Variants in LAMC1 observed in about 807,000 individuals in gnomAD.
LAMC1 encodes the protein laminin subunit gamma-1.
Under a neutral mutation model 173.6 loss-of-function variants are expected in LAMC1, and 38 were observed. That is an observed-to-expected ratio of 0.22 (90% CI 0.17 to 0.29). The LOEUF is 0.29. Ranked by LOEUF, LAMC1 falls within the 10% of genes least tolerant of loss-of-function variation. The pLI, the probability that LAMC1 is intolerant of heterozygous loss-of-function variation, is 1.00. For synonymous variants in LAMC1, 746 were observed against 749.1 expected (o/e 1.00, Z 0.07); for missense variants, 1,824 against 2,051.8 (o/e 0.89, Z 2.14).
chr1:183,031,355 A>G (rs1653844233), intron 1 of LAMC1, among the ~76,000 whole-genome samples: 1 of 151,934 alleles, frequency 6.6e-6, no homozygotes, highest in Non-Finnish European at 1.5e-5. Flanking sequence ...CCCAGGCTGG[A>G]GTGCAGTGGC....
intron 1 of LAMC1, among the ~76,000 whole-genome samples, chr1:183,065,011 T>C (rs1654842119): frequency 6.6e-6 from 1 of 151,944 alleles, no homozygotes; most frequent in South Asian, 2.1e-4. Flanking sequence ...GGGGAAAATG[T>C]GCAAACTCCA....
At chr1:183,043,362 T>C (rs578205377) in intron 1 of LAMC1, among the ~76,000 whole-genome samples, 59 of 152,330 alleles carry the variant, frequency 3.9e-4, no homozygotes, top group Middle Eastern at 3.4e-3. Flanking sequence ...TCCTGCTGTT[T>C]AGGGCTTTTT....
chr1:183,098,535 C>G (rs572993696), intron 1 of LAMC1, among the ~76,000 whole-genome samples: 11 of 152,346 alleles, frequency 7.2e-5, no homozygotes, highest in Non-Finnish European at 7.3e-5. Context: ...TCCTGCTCTC[C>G]TCTCAGCCAC....
At chr1:183,140,368 A>G (rs1168395706) in intron 26 of LAMC1, 36 bp from the exon 27 acceptor site, 2 of 1,263,280 alleles carry the variant, frequency 1.6e-6, no homozygotes, top group Non-Finnish European at 2.3e-6. Flanking sequence ...ATGAAAACAT[A>G]CAGTCAAGAC....
At chr1:183,028,950 T>C (rs191035989) in intron 1 of LAMC1, among the ~76,000 whole-genome samples, 1 of 152,368 alleles carries the variant, frequency 6.6e-6, no homozygotes, top group Non-Finnish European at 1.5e-5. Context: ...TATTCAAAAC[T>C]AAATTCACTC....
rs1001759300 is a variant in LAMC1 at position 183,137,949 on chromosome 1, G to A, written c.4473+122G>A. 25 of 919,362 alleles carry A rather than the reference G, an allele frequency of 2.7e-5. No homozygotes were observed. In the Middle Eastern group the frequency reaches 7.8e-4, roughly 29 times the overall value. 57.0% of individuals were successfully genotyped at this position (919,362 alleles called of 1,614,324 possible). A position where few individuals can be genotyped will look rare whatever the true frequency, so the allele number is the denominator to read the frequency against. ...CTTCTGTTTTTCATCACATTGTCTCGTCAAGAATTGGGTTAGTAGCTTACA... is the reference window on the plus strand; with the variant it reads ...CTTCTGTTTTTCATCACATTGTCTCATCAAGAATTGGGTTAGTAGCTTACA... On this transcript the variant is annotated intron_variant, in intron 26 of 27. Coordinates refer to ENST00000258341, the MANE Select transcript of LAMC1 (RefSeq NM_002293.4).
At position 183,065,454 on chromosome 1, in the gene LAMC1, G is replaced by C. The variant is rs144008708; in HGVS notation, c.419-37874G>C. ...ACTCAACCAGAATTTCTAGGTTGCA[G>C]TTTGGAAGCAGAATTCCTTCTTCTG... On this transcript the variant is annotated intron_variant, in intron 1 of 27. Transcript: ENST00000258341. Among the ~76,000 whole-genome samples the C allele has an allele frequency of 4.5e-3, 680 of 152,326 alleles. 7 individuals are homozygous for C. The highest frequency in any genetic ancestry group is 0.016 in the African/African-American group (645 of 41,558).
intron 26 of LAMC1, chr1:183,138,536 C>T (rs1657014063): frequency 6.6e-6 from 1 of 152,292 alleles, no homozygotes; most frequent in South Asian, 2.1e-4. Flanking sequence ...GGCCGTCGTT[C>T]ACTGCTGCCA....
chr1:183,045,462 G>A (rs761589845), intron 1 of LAMC1, among the ~76,000 whole-genome samples: 8 of 151,840 alleles, frequency 5.3e-5, no homozygotes, highest in Non-Finnish European at 1.0e-4. Context: ...TCTATATGTG[G>A]TAATTGGCAA....
intron 1 of LAMC1, among the ~76,000 whole-genome samples, chr1:183,056,928 A>G (rs966862412): frequency 6.6e-6 from 1 of 152,240 alleles, no homozygotes; most frequent in Non-Finnish European, 1.5e-5. Context: ...GTTGGTAGGT[A>G]TACTATATGA....
chr1:183,082,984 A>G (rs1655325921), intron 1 of LAMC1, among the ~76,000 whole-genome samples: 2 of 152,224 alleles, frequency 1.3e-5, no homozygotes, highest in African/African-American at 2.4e-5. Context: ...GTGTGAAGTT[A>G]GTGAAATGCT....
intron 1 of LAMC1, among the ~76,000 whole-genome samples, chr1:183,027,798 A>T (rs939116414): frequency 2.6e-5 from 4 of 152,202 alleles, no homozygotes; most frequent in Non-Finnish European, 5.9e-5. Flanking sequence ...GTATGTATTT[A>T]ACATGGAACA....
chr1:183,024,440 T>C (rs895993091), intron 1 of LAMC1, among the ~76,000 whole-genome samples: 5 of 152,230 alleles, frequency 3.3e-5, no homozygotes, highest in Non-Finnish European at 2.9e-5. Flanking sequence ...CCCTTTTTTT[T>C]CTGAAGCGTT....
intron 1 of LAMC1, among the ~76,000 whole-genome samples, chr1:183,082,747 A>G (rs976837982): frequency 2.6e-5 from 4 of 152,226 alleles, no homozygotes; most frequent in Non-Finnish European, 2.9e-5. Context: ...CTAGGCCTGT[A>G]AAGATGTCTT....
intron 27 of LAMC1, chr1:183,140,743 T>C (rs192698599): frequency 6.4e-5 from 18 of 282,436 alleles, no homozygotes; most frequent in African/African-American, 3.8e-4. Context: ...ACCATACTTA[T>C]TATTTGTCAG....
chr1:183,056,037 T>C (rs1413216471), intron 1 of LAMC1, among the ~76,000 whole-genome samples: 1 of 152,210 alleles, frequency 6.6e-6, no homozygotes, highest in Non-Finnish European at 1.5e-5. Context: ...TATATTTCAG[T>C]CCTCTTTCTT....
At chr1:183,122,802 G>C (rs900171403) in intron 13 of LAMC1, among the ~76,000 whole-genome samples, 1 of 152,132 alleles carries the variant, frequency 6.6e-6, no homozygotes, top group Non-Finnish European at 1.5e-5. Flanking sequence ...TCTCTATGGG[G>C]TTCTCTGGAT....
chr1:183,095,094 C>A (rs1655659248), intron 1 of LAMC1, among the ~76,000 whole-genome samples: 6 of 152,164 alleles, frequency 3.9e-5, no homozygotes, highest in Admixed American at 3.9e-4. Flanking sequence ...GATCTCCCGC[C>A]TTGGCCTCCC....
At chr1:183,133,068 A>T (rs1490073636) in intron 21 of LAMC1, among the ~76,000 whole-genome samples, 1 of 151,806 alleles carries the variant, frequency 6.6e-6, no homozygotes, top group Non-Finnish European at 1.5e-5. Flanking sequence ...CTGCCACCAC[A>T]CCCAGCTAAT....
Sources: gnomAD v4.1 joint callset for allele counts (sites outside exome capture counted in the v4.1 genomes callset) on GRCh38, gnomAD v4.1.1 for gene constraint, MANE v1.5 for transcripts, NCBI Gene and HGNC (gene_info 2026-07-23, HGNC 2026-07-21) for gene names.